Variants in ZNF277 observed in about 807,000 individuals in gnomAD.
The protein encoded by ZNF277 is zinc finger protein 277.
In ZNF277, 55 loss-of-function variants were observed where a neutral mutation model predicts 60.7. The ratio of observed to expected loss-of-function variants is 0.91; its 90% CI spans 0.73 to 1.13. The LOEUF (loss-of-function observed/expected upper bound fraction) is 1.13, where lower values mean the gene tolerates loss of function less well. Among genes scored for constraint, ZNF277 ranks in the 50% most tolerant of loss-of-function variants. The probability of loss-of-function intolerance (pLI) is 0.00; values close to 1 mark genes in which losing one functional copy is unlikely to be tolerated. For missense variants in ZNF277, 510 were observed against 523.0 expected (o/e 0.98, Z 0.24); for synonymous variants, 178 against 179.3 (o/e 0.99, Z 0.06).
chr7:112,313,439 T>G (rs1052086621), intron 4 of ZNF277, among the ~76,000 whole-genome samples: 1 of 151,942 alleles, frequency 6.6e-6, no homozygotes, highest in Non-Finnish European at 1.5e-5. Flanking sequence ...CGCACCACCA[T>G]GCCTGGCCAA....
At chr7:112,282,155 C>G (rs1791961234) in intron 1 of ZNF277, among the ~76,000 whole-genome samples, 1 of 152,216 alleles carries the variant, frequency 6.6e-6, no homozygotes, top group Admixed American at 6.5e-5. Context: ...AGACTTAGTC[C>G]TTGACCTTAA....
intron 5 of ZNF277, among the ~76,000 whole-genome samples, chr7:112,319,521 C>T (rs568691700): frequency 5.9e-5 from 9 of 151,796 alleles, no homozygotes; most frequent in Non-Finnish European, 1.3e-4. Context: ...AAATATCATT[C>T]TCTGCTCACT....
chr7:112,294,765 A>G (rs1792287715), intron 2 of ZNF277, among the ~76,000 whole-genome samples: 1 of 152,160 alleles, frequency 6.6e-6, no homozygotes, highest in Non-Finnish European at 1.5e-5. Context: ...ATAGAGCACC[A>G]TGGTATTGGA....
chr7:112,296,459 C>G (rs1424406788), intron 4 of ZNF277, 148 bp downstream of exon 4: 1 of 394,686 alleles, frequency 2.5e-6, no homozygotes, highest in East Asian at 4.1e-5. Context: ...GGTCTTAAAA[C>G]AAAAAAAAAG....
At chr7:112,208,367 C>CT (rs1821633245) in intron 1 of ZNF277, among the ~76,000 whole-genome samples, 1 of 151,392 alleles carries the variant, frequency 6.6e-6, no homozygotes, top group South Asian at 2.1e-4. Flanking sequence ...GAGCAAGACT[C>CT]TGTATCAAAA....
chr7:112,233,088 G>A (rs936712915), intron 1 of ZNF277, among the ~76,000 whole-genome samples: 1 of 151,962 alleles, frequency 6.6e-6, no homozygotes, highest in African/African-American at 2.4e-5. Flanking sequence ...GAATTTTCTT[G>A]TTTTATCTTG....
chr7:112,337,692 G>T, intron 8 of ZNF277, 38 bp from the exon 9 acceptor site: 1 of 1,569,462 alleles, frequency 6.4e-7, no homozygotes, highest in South Asian at 1.1e-5. Flanking sequence ...TCTTAATGAA[G>T]GGAATCTCCG....
At chr7:112,222,282 T>G (rs549023027) in intron 1 of ZNF277, among the ~76,000 whole-genome samples, 1 of 152,370 alleles carries the variant, frequency 6.6e-6, no homozygotes, top group East Asian at 1.9e-4. Flanking sequence ...CTTTAAATGT[T>G]TGGTAGAATT....
At chr7:112,311,678 A>C (rs1013839739) in intron 4 of ZNF277, among the ~76,000 whole-genome samples, 2 of 151,786 alleles carry the variant, frequency 1.3e-5, no homozygotes, top group Admixed American at 1.3e-4. Context: ...ATTCTATCTG[A>C]TGCTAAGCTT....
At chr7:112,209,818 C>G (rs144506354) in intron 1 of ZNF277, among the ~76,000 whole-genome samples, 2 of 152,054 alleles carry the variant, frequency 1.3e-5, no homozygotes, top group Admixed American at 1.3e-4. Flanking sequence ...AAATCATACA[C>G]CTTTTTGGAT....
chr7:112,298,668 T>A (rs1792406882), intron 4 of ZNF277, among the ~76,000 whole-genome samples: 1 of 152,128 alleles, frequency 6.6e-6, no homozygotes, highest in Admixed American at 6.5e-5. Context: ...TAGACCAACT[T>A]GGGGATTGGA....
chr7:112,207,437 T>C (rs1821558845), intron 1 of ZNF277, among the ~76,000 whole-genome samples: 1 of 152,138 alleles, frequency 6.6e-6, no homozygotes, highest in South Asian at 2.1e-4. Flanking sequence ...AGTCTCTGGG[T>C]CCTTAGAGAA....
intron 2 of ZNF277, chr7:112,288,951 TAAAAAAAAAA>T (rs759044500): frequency 9.9e-5 from 7 of 70,388 alleles, no homozygotes; most frequent in Middle Eastern, 0.013. Flanking sequence ...CTGCCTTTCT[TAAAAAAAAAA>T]AAAAAAAAAA....
At chr7:112,324,853 A>C (rs1245984942) in intron 5 of ZNF277, among the ~76,000 whole-genome samples, 1 of 152,190 alleles carries the variant, frequency 6.6e-6, no homozygotes, top group Non-Finnish European at 1.5e-5. Flanking sequence ...CAAGAAAGCC[A>C]GTGGTAAATT....
At chr7:112,324,931 C>T (rs912510522) in intron 5 of ZNF277, among the ~76,000 whole-genome samples, 6 of 152,108 alleles carry the variant, frequency 3.9e-5, no homozygotes, top group African/African-American at 9.7e-5. Flanking sequence ...ATGAATTTCC[C>T]AGCTCAACTA....
intron 1 of ZNF277, among the ~76,000 whole-genome samples, chr7:112,236,671 A>G (rs968339573): frequency 1.3e-5 from 2 of 152,120 alleles, no homozygotes; most frequent in African/African-American, 4.8e-5. Context: ...GACTCATAAA[A>G]TTCTACGAGT....
intron 1 of ZNF277, among the ~76,000 whole-genome samples, chr7:112,213,347 G>A (rs1339509570): frequency 6.6e-6 from 1 of 152,134 alleles, no homozygotes; most frequent in Non-Finnish European, 1.5e-5. Context: ...TCAGCAGCAT[G>A]AAAATGGACT....
intron 1 of ZNF277, among the ~76,000 whole-genome samples, chr7:112,272,190 C>T (rs1791684825): frequency 6.6e-6 from 1 of 152,166 alleles, no homozygotes; most frequent in Admixed American, 6.5e-5. Flanking sequence ...CAAAGTTTGT[C>T]ATTTTGTTCC....
chr7:112,308,427 G>A (rs796899145), intron 4 of ZNF277, among the ~76,000 whole-genome samples: 25 of 152,138 alleles, frequency 1.6e-4, no homozygotes, highest in African/African-American at 5.8e-4. Flanking sequence ...TGAAGCACAA[G>A]AACCACTTGA....
Sources: allele counts gnomAD v4.1 joint callset (sites outside exome capture counted in the v4.1 genomes callset), GRCh38; gene constraint gnomAD v4.1.1; transcripts MANE v1.5; gene names NCBI Gene and HGNC (gene_info 2026-07-23, HGNC 2026-07-21).